Variants in TMEM117 observed in about 807,000 individuals in gnomAD.
TMEM117 encodes transmembrane protein 117.
A neutral mutation model predicts 52.4 loss-of-function variants in TMEM117; 27 were observed. That is an observed-to-expected ratio of 0.51 (90% CI 0.38 to 0.71). The LOEUF (loss-of-function observed/expected upper bound fraction) is 0.71, where lower values mean the gene tolerates loss of function less well. Among genes scored for constraint, TMEM117 ranks in the 30% least tolerant of loss-of-function variants. The pLI, the probability that TMEM117 is intolerant of heterozygous loss-of-function variation, is 0.00. For missense variants in TMEM117, 556 were observed against 630.5 expected (o/e 0.88, Z 1.26); for synonymous variants, 215 against 206.3 (o/e 1.04, Z -0.36).
rs557515249 is a variant in TMEM117, at chr12:44,026,546, G to GT, written c.410+82211dup. On this transcript the variant is annotated intron_variant, in intron 3 of 7. Transcript: ENST00000266534. ...ATTATTTCTTAATTAAACACTGTAG[G>GT]TTTTTTTGTAGCATTTATTATGATT... Among the ~76,000 whole-genome samples the GT allele has an allele frequency of 1.6e-3, 245 of 152,040 alleles. 2 individuals are homozygous for GT. The highest frequency in any genetic ancestry group is 5.8e-3 in the African/African-American group (239 of 41,468).
chr12:43,875,932 A>C (rs1195790928), intron 2 of TMEM117, among the ~76,000 whole-genome samples: 1 of 152,128 alleles, frequency 6.6e-6, no homozygotes, highest in Non-Finnish European at 1.5e-5. Flanking sequence ...CACTTGGTCC[A>C]CTTATTCATA....
intron 2 of TMEM117, among the ~76,000 whole-genome samples, chr12:43,897,303 G>T (rs1944221701): frequency 3.2e-5 from 4 of 126,352 alleles, no homozygotes; most frequent in Admixed American, 2.0e-4. Flanking sequence ...CTTTCCTTTT[G>T]TAACCATTCT....
At chr12:43,888,781 C>T (rs1425903775) in intron 2 of TMEM117, among the ~76,000 whole-genome samples, 1 of 152,078 alleles carries the variant, frequency 6.6e-6, no homozygotes, top group African/African-American at 2.4e-5. Context: ...ATCTCCTGAC[C>T]TCGTGATCCG....
At chr12:43,834,624 G>A (rs150318229), upstream of TMEM117, among the ~76,000 whole-genome samples, 1 of 152,304 alleles carries the variant, frequency 6.6e-6, no homozygotes, top group Middle Eastern at 3.4e-3. Flanking sequence ...ATATCCAGTG[G>A]TGTGGGGATG....
At chr12:43,818,154 A>G in the TMEM117 span, among the ~76,000 whole-genome samples, 1 of 152,158 alleles carries the variant, frequency 6.6e-6, no homozygotes, top group African/African-American at 2.4e-5. Flanking sequence ...CTCTCCATGC[A>G]CGTTAAAACT....
chr12:43,958,354 A>AT (rs1358489718), intron 3 of TMEM117, among the ~76,000 whole-genome samples: 2 of 152,098 alleles, frequency 1.3e-5, no homozygotes, highest in Non-Finnish European at 2.9e-5. Context: ...GAAGAAGCTG[A>AT]TTTTTTTAGT....
At chr12:43,937,800 A>G (rs1361583434) in intron 2 of TMEM117, among the ~76,000 whole-genome samples, 1 of 152,272 alleles carries the variant, frequency 6.6e-6, no homozygotes, top group Non-Finnish European at 1.5e-5. Context: ...CTATGCCATG[A>G]GGACATAGTG....
intron 6 of TMEM117, among the ~76,000 whole-genome samples, chr12:44,349,742 A>G (rs1256054992): frequency 1.3e-5 from 2 of 152,060 alleles, no homozygotes; most frequent in Admixed American, 1.3e-4. Flanking sequence ...ATAGAAAGTC[A>G]TTCATTCATC....
In TMEM117 at chr12:44,078,843, A is replaced by G. The variant is rs988031579; in HGVS notation, c.411-64682A>G. Among the ~76,000 whole-genome samples the G allele has an allele frequency of 7.9e-5, 12 of 151,514 alleles. No homozygotes were observed. The South Asian group carries it at 1.3e-3, about 16-fold the overall frequency. The stretch of plus-strand genomic sequence containing the variant: ...TCACCTACATTAGGTATTTCTTCTA[A>G]TGCTATCCCTCCCCTAGCACCCCCC... On this transcript the variant is annotated intron_variant, in intron 3 of 7. Transcript: ENST00000266534.
At chr12:44,370,438 T>C (rs1220101547) in intron 6 of TMEM117, among the ~76,000 whole-genome samples, 1 of 152,128 alleles carries the variant, frequency 6.6e-6, no homozygotes, top group African/African-American at 2.4e-5. Context: ...AAAACAAGTA[T>C]TTATTGTGTT....
At chr12:43,948,275 T>C (rs1945165911) in intron 3 of TMEM117, among the ~76,000 whole-genome samples, 1 of 152,210 alleles carries the variant, frequency 6.6e-6, no homozygotes, top group African/African-American at 2.4e-5. Flanking sequence ...CTGTTCCTTA[T>C]ACCACTAAAA....
At chr12:44,001,779 T>C (rs1439603214) in intron 3 of TMEM117, among the ~76,000 whole-genome samples, 1 of 152,022 alleles carries the variant, frequency 6.6e-6, no homozygotes, top group Non-Finnish European at 1.5e-5. Context: ...GTATGGGAAC[T>C]GGGAGCTGTT....
the TMEM117 span, among the ~76,000 whole-genome samples, chr12:43,812,568 G>C: frequency 4.6e-5 from 7 of 152,174 alleles, no homozygotes; most frequent in Non-Finnish European, 1.0e-4. Context: ...CAATTATCAG[G>C]TTAGCAAAGG....
intron 3 of TMEM117, among the ~76,000 whole-genome samples, chr12:44,098,982 T>G (rs1390777693): frequency 6.6e-6 from 1 of 152,100 alleles, no homozygotes; most frequent in African/African-American, 2.4e-5. Flanking sequence ...TTATGGGATG[T>G]CTTTCAACTG....
At chr12:44,270,336 C>T (rs1950430978) in intron 5 of TMEM117, among the ~76,000 whole-genome samples, 1 of 152,014 alleles carries the variant, frequency 6.6e-6, no homozygotes, top group South Asian at 2.1e-4. Flanking sequence ...TGGTTAGATA[C>T]ATTCCTAAGT....
chr12:44,281,973 G>A (rs947760857), intron 5 of TMEM117, among the ~76,000 whole-genome samples: 5 of 152,098 alleles, frequency 3.3e-5, no homozygotes, highest in South Asian at 2.1e-4. Flanking sequence ...GAATTCCCAC[G>A]TGTTGTAGGA....
upstream of TMEM117, among the ~76,000 whole-genome samples, chr12:43,835,056 C>G (rs1943007128): frequency 6.6e-6 from 1 of 152,128 alleles, no homozygotes; most frequent in Non-Finnish European, 1.5e-5. Context: ...ATCCTATTTT[C>G]CATTTGATTA....
intron 3 of TMEM117, among the ~76,000 whole-genome samples, chr12:44,130,512 T>G (rs181953495): frequency 6.6e-6 from 1 of 152,192 alleles, no homozygotes; most frequent in Non-Finnish European, 1.5e-5. Context: ...TGTAATTATA[T>G]AATGTTTTTG....
chr12:44,349,804 C>G (rs1353432802), intron 6 of TMEM117, among the ~76,000 whole-genome samples: 1 of 151,980 alleles, frequency 6.6e-6, no homozygotes, highest in Non-Finnish European at 1.5e-5. Context: ...TTGCTATGTT[C>G]CAAACACTGT....
Sources: gnomAD v4.1 joint callset for allele counts (sites outside exome capture counted in the v4.1 genomes callset) on GRCh38, gnomAD v4.1.1 for gene constraint, MANE v1.5 for transcripts, NCBI Gene and HGNC (gene_info 2026-07-23, HGNC 2026-07-21) for gene names.